Variants in HAP1 observed in about 807,000 individuals in gnomAD.
HAP1 encodes the protein huntingtin associated protein 1, also known as huntingtin-associated protein 1.
Under a neutral mutation model 60.3 loss-of-function variants are expected in HAP1, and 59 were observed. That is an observed-to-expected ratio of 0.98 (90% CI 0.79 to 1.22). The LOEUF is 1.22. Among genes scored for constraint, HAP1 ranks in the 50% most tolerant of loss-of-function variants. HAP1 has a pLI of 0.00. For missense variants in HAP1, 825 were observed against 785.3 expected, an observed-to-expected ratio of 1.05 and a Z score of -0.60; for synonymous variants, 346 against 330.6, an observed-to-expected ratio of 1.05 and a Z score of -0.50.
intron 8 of HAP1, 129 bp downstream of exon 8, chr17:41,727,633 G>A (rs917993469): frequency 3.0e-6 from 2 of 663,448 alleles, no homozygotes; most frequent in East Asian, 5.4e-5. Context: ...GGCATGGAGG[G>A]GGTGGAAACG....
At chr17:41,721,599 ACTCT>A (rs1178440268), downstream of HAP1, 3 of 168,556 alleles carry the variant, frequency 1.8e-5, no homozygotes, top group African/African-American at 7.2e-5. Flanking sequence ...ACAGGGTCTT[ACTCT>A]GTCACCCAGG....
Position 41,734,412 on chromosome 17 carries a change from C to T in HAP1, c.223G>A (p.Gly75Arg), listed in dbSNP as rs1555592069. 1 of 1,607,970 alleles carries T rather than the reference C, an allele frequency of 6.2e-7. No homozygotes were observed. The highest frequency in any genetic ancestry group is 1.7e-5 in the Admixed American group (1 of 59,898). Residue 75 changes from glycine to arginine, a missense_variant, in exon 1 of 11, where the codon GGA becomes AGA. By Grantham distance (125) the Gly-to-Arg change is moderately radical (BLOSUM62 -2). Coordinates refer to ENST00000347901, the MANE Select transcript of HAP1 (RefSeq NM_177977.3). Reference protein sequence around the residue: ...RTGARPASEAGAKAGARRPSA... With the variant: ...RTGARPASEARAKAGARRPSA... The stretch of plus-strand genomic sequence containing the variant: ...GGGCGCCGGGCTCCTGCCTTGGCTC[C>T]AGCCTCCGAGGCCGGGCGAGCTCCG...
At chr17:41,731,821 T>A in intron 4 of HAP1, 78 bp from the exon 5 acceptor site, 1 of 1,072,362 alleles carries the variant, frequency 9.3e-7, no homozygotes, top group Non-Finnish European at 1.4e-6. Context: ...CTAAGGGCAG[T>A]GTTCTCAATT....
rs373266389 is a variant in HAP1 at position 41,734,318 on chromosome 17, C to G, written c.317G>C (p.Arg106Pro). ...ACCAAACGGCCCTTGGAATACGAAG[C>G]GGGTCCACGGCGCGTCCGAATTGTC... ...MPDNSDAPWT[R>P]FVFQGPFGSR... is the part of the protein sequence containing the mutation. Residue 106 changes from arginine to proline, a missense_variant, in exon 1 of 11, where the codon CGC (arginine) becomes CCC (proline). Physicochemically the swap from Arg to Pro is moderately radical, Grantham distance 103. Transcript: ENST00000347901. 7 of 1,608,718 alleles carry G rather than the reference C, an allele frequency of 4.4e-6. No homozygotes were observed. Among genetic ancestry groups the G allele is most frequent in the Middle Eastern group, 1.7e-4 (1 of 6,050 alleles).
chr17:41,728,286 A>G lies in HAP1; in HGVS notation c.1115T>C (p.Leu372Pro). 1.2e-6 allele frequency: 2 copies of G among 1,613,598 alleles called. No homozygotes were observed. Among genetic ancestry groups the G allele is most frequent in the South Asian group, 2.2e-5 (2 of 91,086 alleles). ...QMAELSEVLV[L>P]RLENYERQQQ... The stretch of plus-strand genomic sequence containing the variant: ...CTGCCGTTCATAGTTTTCCAGCCTG[A>G]GCACCAGCACCTCCGACAGCTCAGC... Residue 372 changes from leucine to proline, a missense_variant, in exon 7 of 11, where the codon CTC becomes CCC. Leu to Pro is a moderately conservative substitution (Grantham distance 98, BLOSUM62 -3). Coordinates refer to ENST00000347901, the MANE Select transcript of HAP1 (RefSeq NM_177977.3).
At chr17:41,729,868 C>CAAA (rs71155164) in intron 6 of HAP1, among the ~76,000 whole-genome samples, 19 of 59,880 alleles carry the variant, frequency 3.2e-4, no homozygotes, top group African/African-American at 1.3e-3. Context: ...GAGACTCCGT[C>CAAA]AAAAAAAAAA....
Position 41,734,530 on chromosome 17 carries a change from C to T in HAP1, c.105G>A (p.Pro35=). 1 of 1,611,334 alleles carries T rather than the reference C, an allele frequency of 6.2e-7. No individual in the cohort carries two copies. Among genetic ancestry groups the T allele is most frequent in the Non-Finnish European group, 8.5e-7 (1 of 1,179,602 alleles). ...GTGCCTGCGGCTGCGCAGAGGGCTC[C>T]GGAGCGGGACTGGCTGAGGGCGAAG... ...CAPSPSASPA[P]EPSAQPQARG... The change falls in exon 1 of 11, where the codon CCG becomes CCA. Residue 35 remains proline (P), a synonymous_variant. Transcript: ENST00000347901.
downstream of HAP1, chr17:41,721,508 C>T (rs1420811356): frequency 8.3e-5 from 15 of 181,746 alleles, no homozygotes; most frequent in Non-Finnish European, 3.8e-5. Flanking sequence ...CCTGCATCTC[C>T]GTTTCCTTCA....
rs374298664 is a variant in HAP1 at position 41,731,470 on chromosome 17, C to A, written c.1069+23G>T. 65 of 1,548,652 alleles carry A rather than the reference C, an allele frequency of 4.2e-5. No individual in the cohort carries two copies. The Admixed American group carries it at 5.5e-4, about 13-fold the overall frequency. Reference sequence around the variant, plus strand: ...CTCTGCTCCTTGGGACAACCCCCCACCCCGAGTGACAACATTACGTACAAA... The same window carrying A: ...CTCTGCTCCTTGGGACAACCCCCCAACCCGAGTGACAACATTACGTACAAA... On this transcript the variant is annotated intron_variant, in intron 6 of 10. Transcript: ENST00000347901.
chr17:41,731,309 G>A (rs1469877988), intron 6 of HAP1, among the ~76,000 whole-genome samples, 184 bp downstream of exon 6: 3 of 152,126 alleles, frequency 2.0e-5, no homozygotes, highest in African/African-American at 7.2e-5. Context: ...GAGATCAGTG[G>A]GGCTGAGAAA....
chr17:41,718,168 C>T (rs4796685), downstream of HAP1: 1,823 of 323,708 alleles, frequency 5.6e-3, 25 homozygotes, highest in African/African-American at 0.034. Context: ...ACGGCCATAC[C>T]ACCCTGAACG....
downstream of HAP1, among the ~76,000 whole-genome samples, chr17:41,720,630 T>C (rs191043444): frequency 9.6e-4 from 146 of 152,322 alleles, no homozygotes; most frequent in African/African-American, 3.2e-3. Flanking sequence ...AAATAGTCCT[T>C]ATGCCAAAGT....
At chr17:41,728,176 A>T in intron 7 of HAP1, 25 bp downstream of exon 7, 3 of 1,606,188 alleles carry the variant, frequency 1.9e-6, no homozygotes, top group Middle Eastern at 1.6e-4. Context: ...CCACGACAAG[A>T]GGGTTCCACA....
chr17:41,733,893 G>A (rs1320312294), intron 1 of HAP1, among the ~76,000 whole-genome samples: 1 of 152,096 alleles, frequency 6.6e-6, no homozygotes, highest in Non-Finnish European at 1.5e-5. Flanking sequence ...GGCGCTGAAG[G>A]GGTGCAGATC....
chr17:41,734,422 G>C lies in HAP1; in HGVS notation c.213C>G (p.Ala71=), dbSNP rs142160610. ...CTCCTGCCTTGGCTCCAGCCTCCGAGGCCGGGCGAGCTCCGGTGCGGGCTT... is the reference window on the plus strand; with the variant it reads ...CTCCTGCCTTGGCTCCAGCCTCCGACGCCGGGCGAGCTCCGGTGCGGGCTT... ...LSEARTGARP[A]SEAGAKAGAR... is the part of the protein sequence containing the mutation. The change falls in exon 1 of 11, where the codon GCC becomes GCG. Residue 71 remains alanine (A), a synonymous_variant. Coordinates refer to ENST00000347901, the MANE Select transcript of HAP1 (RefSeq NM_177977.3). 55 of 1,608,126 alleles carry C rather than the reference G, an allele frequency of 3.4e-5. No individual in the cohort carries two copies. In the African/African-American group the frequency reaches 6.7e-4, roughly 20 times the overall value.
intron 6 of HAP1, among the ~76,000 whole-genome samples, chr17:41,729,566 A>G (rs1911970665): frequency 1.4e-5 from 2 of 144,498 alleles, no homozygotes; most frequent in Admixed American, 7.0e-5. Flanking sequence ...AAAAAAAAAA[A>G]AAAAAAAAAA....
rs1555588149 is a variant in HAP1 at position 41,724,743 on chromosome 17, G to GCACTC, written c.1817_1818insGAGTG (p.Pro607SerfsTer48). On this transcript the variant is annotated frameshift_variant, in exon 11 of 11. Coordinates refer to ENST00000347901, the MANE Select transcript of HAP1 (RefSeq NM_177977.3). LOFTEE classifies it high-confidence loss of function. ...TGCAGCTTGTCCGGCTGGCGGCAGG[G>GCACTC]AGGGCCCCGTGGGGGCACTCACCTT... is the stretch of plus-strand genomic sequence containing the variant. 6.3e-7 allele frequency: 1 copy of GCACTC among 1,596,676 alleles called. No individual in the cohort carries two copies. The highest frequency in any genetic ancestry group is 8.6e-7 in the Non-Finnish European group (1 of 1,166,490).
intron 1 of HAP1, among the ~76,000 whole-genome samples, chr17:41,733,208 C>A (rs1213578869): frequency 6.6e-6 from 1 of 151,286 alleles, no homozygotes; most frequent in African/African-American, 2.4e-5. Flanking sequence ...CCCGCCACCA[C>A]GCCCAGCTTA....
intron 2 of HAP1, 67 bp from the exon 3 acceptor site, chr17:41,732,461 T>C: frequency 3.3e-6 from 5 of 1,517,254 alleles, no homozygotes; most frequent in Non-Finnish European, 1.8e-6. Flanking sequence ...CCCCTAGTTC[T>C]CTAGGGTACC....
Sources: gnomAD v4.1 joint callset for allele counts (sites outside exome capture counted in the v4.1 genomes callset) on GRCh38, gnomAD v4.1.1 for gene constraint, MANE v1.5 for transcripts, NCBI Gene and HGNC (gene_info 2026-07-23, HGNC 2026-07-21) for gene names.